Variants in EPHA5 observed in about 807,000 individuals in gnomAD.
EPHA5 encodes EPH receptor A5, also known as ephrin type-A receptor 5.
Under a neutral mutation model 105.0 loss-of-function variants are expected in EPHA5, and 60 were observed. That is an observed-to-expected ratio of 0.57 (90% CI 0.46 to 0.71). The LOEUF (loss-of-function observed/expected upper bound fraction) is 0.71, where lower values mean the gene tolerates loss of function less well. EPHA5 is among the 30% of genes least tolerant of loss of function. The probability of loss-of-function intolerance (pLI) is 0.00; values close to 1 mark genes in which losing one functional copy is unlikely to be tolerated. For missense variants in EPHA5, 1,218 were observed against 1,274.7 expected, an observed-to-expected ratio of 0.96 and a Z score of 0.68; for synonymous variants, 513 against 449.1, an observed-to-expected ratio of 1.14 and a Z score of -1.80.
chr4:65,664,409 A>G (rs1338727272), intron 1 of EPHA5, among the ~76,000 whole-genome samples: 2 of 151,926 alleles, frequency 1.3e-5, no homozygotes, highest in African/African-American at 4.8e-5. Context: ...GATAGGTACT[A>G]ATAATTTTTT....
At chr4:65,558,835 A>G (rs1480534592) in intron 3 of EPHA5, among the ~76,000 whole-genome samples, 1 of 152,180 alleles carries the variant, frequency 6.6e-6, no homozygotes, top group Non-Finnish European at 1.5e-5. Context: ...ATTTTATTCA[A>G]GATGCCAATG....
chr4:65,562,022 T>A (rs905893314), intron 3 of EPHA5, among the ~76,000 whole-genome samples: 2 of 152,110 alleles, frequency 1.3e-5, no homozygotes, highest in Non-Finnish European at 2.9e-5. Flanking sequence ...TAACCCTGAT[T>A]ATCAGAAAGT....
intron 2 of EPHA5, among the ~76,000 whole-genome samples, chr4:65,632,711 C>A (rs1039189650): frequency 1.3e-5 from 2 of 151,850 alleles, no homozygotes; most frequent in African/African-American, 4.8e-5. Flanking sequence ...GAACAGTTTA[C>A]AGTATTCACA....
Position 65,472,359 on chromosome 4 carries a change from G to A in EPHA5, c.1402+18018C>T, listed in dbSNP as rs190480344. ...AAATTGTTGGTGGATCTACCATTCTGGGGTCTGAAGTGGCCCTCTTCTCAT... is the reference window on the plus strand; with the variant it reads ...AAATTGTTGGTGGATCTACCATTCTAGGGTCTGAAGTGGCCCTCTTCTCAT... On this transcript the variant is annotated intron_variant, in intron 5 of 16. Transcript: ENST00000613740. Among the ~76,000 whole-genome samples, 97 of 152,210 alleles carry A rather than the reference G, an allele frequency of 6.4e-4. 2 individuals are homozygous for A. The highest frequency in any genetic ancestry group is 5.3e-3 in the Admixed American group (81 of 15,280).
intron 3 of EPHA5, among the ~76,000 whole-genome samples, chr4:65,506,282 C>A (rs571874486): frequency 1.3e-5 from 2 of 151,756 alleles, no homozygotes; most frequent in African/African-American, 2.4e-5. Flanking sequence ...CCAGTCTTTG[C>A]TGTTGTGAAT....
intron 5 of EPHA5, among the ~76,000 whole-genome samples, chr4:65,436,662 T>C (rs1725510375): frequency 6.6e-6 from 1 of 151,966 alleles, no homozygotes; most frequent in African/African-American, 2.4e-5. Flanking sequence ...TTGAACAGTG[T>C]AGTATTTATT....
chr4:65,590,178 C>G (rs1381300177), intron 3 of EPHA5, among the ~76,000 whole-genome samples: 1 of 152,108 alleles, frequency 6.6e-6, no homozygotes, highest in Non-Finnish European at 1.5e-5. Flanking sequence ...GTTCTTCTTT[C>G]TTTCCTTACC....
chr4:65,466,820 C>T (rs904812770), intron 5 of EPHA5, among the ~76,000 whole-genome samples: 3 of 152,120 alleles, frequency 2.0e-5, no homozygotes, highest in Admixed American at 2.0e-4. Context: ...CCATGTGGCT[C>T]CTTTTCTTTA....
chr4:65,652,166 A>G (rs538568017), intron 1 of EPHA5, among the ~76,000 whole-genome samples: 54 of 152,200 alleles, frequency 3.5e-4, no homozygotes, highest in Non-Finnish European at 6.9e-4. Context: ...ATGTATATAG[A>G]TAATATGAGG....
chr4:65,336,167 T>A, intron 14 of EPHA5, 42 bp from the exon 15 acceptor site: 1 of 1,510,516 alleles, frequency 6.6e-7, no homozygotes, highest in East Asian at 2.4e-5. Flanking sequence ...ACACCACAAA[T>A]TTAGTATAGA....
chr4:65,448,387 C>G (rs1726762835), intron 5 of EPHA5, among the ~76,000 whole-genome samples: 1 of 151,982 alleles, frequency 6.6e-6, no homozygotes, highest in Non-Finnish European at 1.5e-5. Flanking sequence ...GTGGCTCATG[C>G]CTGTAATCCC....
chr4:65,564,947 A>T (rs975007988), intron 3 of EPHA5, among the ~76,000 whole-genome samples: 32 of 151,886 alleles, frequency 2.1e-4, no homozygotes, highest in African/African-American at 6.0e-4. Context: ...ACACAATTGC[A>T]TCCAGAAAGA....
At position 65,669,559 on chromosome 4, in the gene EPHA5, T is replaced by C. The variant is rs1750273601; in HGVS notation, c.181+3A>G. The stretch of plus-strand genomic sequence containing the variant: ...GCCACGGTCCCCACCCCCATCTCCC[T>C]ACCTTCGTTGCTGGGGCTGGCCAGG... On this transcript the variant is annotated splice_donor_region_variant and intron_variant, in intron 1 of 16. Coordinates refer to ENST00000613740, the MANE Select transcript of EPHA5 (RefSeq NM_001281766.3). The C allele has an allele frequency of 7.2e-7, 1 of 1,395,782 alleles. No homozygotes were observed. The highest frequency in any genetic ancestry group is 2.7e-5 in the East Asian group (1 of 36,388). 86.5% of individuals were successfully genotyped at this position (1,395,782 alleles called of 1,614,324 possible). A position where few individuals can be genotyped will look rare whatever the true frequency, so the allele number is the denominator to read the frequency against.
chr4:65,590,571 A>C (rs1411198848), intron 3 of EPHA5, among the ~76,000 whole-genome samples: 1 of 152,190 alleles, frequency 6.6e-6, no homozygotes, highest in Non-Finnish European at 1.5e-5. Flanking sequence ...TCTAGACTAA[A>C]GTATGAGTTA....
At chr4:65,483,626 G>A (rs1469425398) in intron 5 of EPHA5, among the ~76,000 whole-genome samples, 1 of 152,154 alleles carries the variant, frequency 6.6e-6, no homozygotes, top group Non-Finnish European at 1.5e-5. Context: ...GGTGGATTCA[G>A]ACTATCACCA....
chr4:65,431,615 A>C (rs1221939655), intron 5 of EPHA5, among the ~76,000 whole-genome samples: 1 of 151,894 alleles, frequency 6.6e-6, no homozygotes, highest in Non-Finnish European at 1.5e-5. Context: ...TTTTTTCCTA[A>C]TATTACTGAA....
intron 1 of EPHA5, among the ~76,000 whole-genome samples, chr4:65,645,754 G>T (rs1162017844): frequency 6.6e-6 from 1 of 151,796 alleles, no homozygotes; most frequent in Non-Finnish European, 1.5e-5. Flanking sequence ...AACTACATTA[G>T]GAATCTCTAT....
chr4:65,574,146 G>A lies in EPHA5; in HGVS notation c.910+27495C>T, dbSNP rs1488383564. On this transcript the variant is annotated intron_variant, in intron 3 of 16. Transcript: ENST00000613740. The stretch of plus-strand genomic sequence containing the variant: ...GCAGCTGCGGAAGCCCAGACACCAG[G>A]AAGGTGAGATCTTCGACACAGAAAA... 45 of 1,607,858 alleles carry A rather than the reference G, an allele frequency of 2.8e-5. 1 individual carries two copies. The Middle Eastern group carries it at 1.2e-3, about 44-fold the overall frequency.
intron 8 of EPHA5, among the ~76,000 whole-genome samples, chr4:65,387,944 T>A (rs552564436): frequency 8.8e-6 from 1 of 113,872 alleles, no homozygotes; most frequent in South Asian, 3.7e-4. Flanking sequence ...ATTAGGTATA[T>A]CTCCTAATGC....
Sources: gnomAD v4.1 joint callset for allele counts (sites outside exome capture counted in the v4.1 genomes callset) on GRCh38, gnomAD v4.1.1 for gene constraint, MANE v1.5 for transcripts, NCBI Gene and HGNC (gene_info 2026-07-23, HGNC 2026-07-21) for gene names.